Variants in GALNT13 observed in about 807,000 individuals in gnomAD.
The protein encoded by GALNT13 is polypeptide N-acetylgalactosaminyltransferase 13.
Under a neutral mutation model 64.2 loss-of-function variants are expected in GALNT13, and 28 were observed. The ratio of observed to expected loss-of-function variants is 0.44; its 90% CI spans 0.32 to 0.60. The LOEUF is 0.60. GALNT13 is among the 20% of genes least tolerant of loss of function. The pLI is 0.05. For missense variants in GALNT13, 577 were observed against 669.8 expected (o/e 0.86, Z 1.53); for synonymous variants, 214 against 224.6 (o/e 0.95, Z 0.42).
chr2:153,993,221 A>G (rs1695281464), intron 3 of GALNT13, among the ~76,000 whole-genome samples: 1 of 152,178 alleles, frequency 6.6e-6, no homozygotes, highest in Non-Finnish European at 1.5e-5. Context: ...TATGTGCTAT[A>G]TTTGACAACT....
chr2:153,999,636 T>C (rs1444272023), intron 3 of GALNT13, among the ~76,000 whole-genome samples: 1 of 152,102 alleles, frequency 6.6e-6, no homozygotes, highest in African/African-American at 2.4e-5. Context: ...TTGTGTATGA[T>C]GAACCATCCT....
At chr2:153,442,745 A>G in the GALNT13 span, among the ~76,000 whole-genome samples, 13 of 152,160 alleles carry the variant, frequency 8.5e-5, no homozygotes, top group Non-Finnish European at 1.9e-4. Context: ...TGCCCTGCCC[A>G]GAGAGGAGGA....
chr2:153,140,943 A>G, the GALNT13 span, among the ~76,000 whole-genome samples: 1 of 151,938 alleles, frequency 6.6e-6, no homozygotes, highest in African/African-American at 2.4e-5. Flanking sequence ...GAGTTGTGCA[A>G]TCATCCCCAT....
At chr2:153,290,736 A>G in the GALNT13 span, among the ~76,000 whole-genome samples, 7 of 152,162 alleles carry the variant, frequency 4.6e-5, no homozygotes, top group Admixed American at 1.3e-4. Context: ...TAAAAGCCTC[A>G]TTTTGTACCT....
the GALNT13 span, among the ~76,000 whole-genome samples, chr2:153,688,991 GGTGTGTGTGT>G: frequency 0.2 from 26,295 of 130,102 alleles, 2,614 homozygotes; most frequent in Non-Finnish European, 0.24. Flanking sequence ...TAGAGGTAGG[GGTGTGTGTGT>G]GTGTGTGTGT....
At chr2:154,273,339 A>T (rs1211275881) in intron 8 of GALNT13, among the ~76,000 whole-genome samples, 1 of 152,070 alleles carries the variant, frequency 6.6e-6, no homozygotes, top group African/African-American at 2.4e-5. Flanking sequence ...TAGAAAAAAA[A>T]TGATAAATGC....
At chr2:154,353,267 G>A (rs955700597) in intron 9 of GALNT13, among the ~76,000 whole-genome samples, 2 of 152,038 alleles carry the variant, frequency 1.3e-5, no homozygotes, top group African/African-American at 4.8e-5. Flanking sequence ...CAATGAACCT[G>A]CCTTGTTACA....
At chr2:153,918,996 T>C (rs1021609872) in intron 2 of GALNT13, among the ~76,000 whole-genome samples, 1 of 152,148 alleles carries the variant, frequency 6.6e-6, no homozygotes, top group Non-Finnish European at 1.5e-5. Flanking sequence ...GTGTGACTTA[T>C]ATTGCATATA....
the GALNT13 span, among the ~76,000 whole-genome samples, chr2:153,521,821 C>T: frequency 1.3e-5 from 2 of 152,064 alleles, no homozygotes; most frequent in Non-Finnish European, 2.9e-5. Context: ...ATCTCTTTCC[C>T]TTAGTAATAT....
At chr2:153,234,535 T>C in the GALNT13 span, among the ~76,000 whole-genome samples, 2 of 152,098 alleles carry the variant, frequency 1.3e-5, no homozygotes, top group South Asian at 2.1e-4. Flanking sequence ...CACAATGATG[T>C]TATTAGCAGG....
chr2:154,267,525 A>C (rs1691081285), intron 8 of GALNT13, among the ~76,000 whole-genome samples: 2 of 152,130 alleles, frequency 1.3e-5, no homozygotes. Flanking sequence ...CTGTAATCCC[A>C]CCTACTTGGG....
At chr2:154,161,305 A>G (rs1037854882) in intron 4 of GALNT13, among the ~76,000 whole-genome samples, 1 of 152,204 alleles carries the variant, frequency 6.6e-6, no homozygotes, top group Non-Finnish European at 1.5e-5. Context: ...GCTAGAATGT[A>G]TATTTCTTCA....
At chr2:153,669,801 T>A in the GALNT13 span, among the ~76,000 whole-genome samples, 1 of 152,142 alleles carries the variant, frequency 6.6e-6, no homozygotes, top group Non-Finnish European at 1.5e-5. Flanking sequence ...CCTGGAGGAA[T>A]GGTATACTTC....
intron 3 of GALNT13, among the ~76,000 whole-genome samples, chr2:154,000,279 C>A (rs1292838377): frequency 6.6e-6 from 1 of 151,218 alleles, no homozygotes; most frequent in East Asian, 1.9e-4. Flanking sequence ...GTTCATCGGT[C>A]TCTTATACGT....
the GALNT13 span, among the ~76,000 whole-genome samples, chr2:153,840,193 C>G: frequency 6.6e-6 from 1 of 152,004 alleles, no homozygotes; most frequent in African/African-American, 2.4e-5. Context: ...GTGTAAAATT[C>G]TTTGGCAATA....
the GALNT13 span, among the ~76,000 whole-genome samples, chr2:153,544,141 A>T: frequency 5.9e-5 from 9 of 152,326 alleles, no homozygotes; most frequent in Non-Finnish European, 8.8e-5. Context: ...TGGAAAAAAT[A>T]AATACAGAAA....
chr2:153,365,786 TGTTGGTGGGAATGTAAATTA>T, the GALNT13 span, among the ~76,000 whole-genome samples: 2 of 152,092 alleles, frequency 1.3e-5, no homozygotes, highest in Non-Finnish European at 2.9e-5. Flanking sequence ...ACACTTACAC[TGTTGGTGGGAATGTAAATTA>T]GTTCAACCAT....
the GALNT13 span, among the ~76,000 whole-genome samples, chr2:153,365,680 A>G: frequency 1.3e-5 from 2 of 152,228 alleles, no homozygotes; most frequent in Non-Finnish European, 2.9e-5. Context: ...AATGCAAATC[A>G]AAACCACAAT....
At chr2:153,123,464 A>G in the GALNT13 span, among the ~76,000 whole-genome samples, 1 of 152,340 alleles carries the variant, frequency 6.6e-6, no homozygotes, top group East Asian at 1.9e-4. Flanking sequence ...AAAGGACAAG[A>G]TTAAGGGTGT....
Sources: allele counts gnomAD v4.1 joint callset (sites outside exome capture counted in the v4.1 genomes callset), GRCh38; gene constraint gnomAD v4.1.1; transcripts MANE v1.5; gene names NCBI Gene and HGNC (gene_info 2026-07-23, HGNC 2026-07-21).